Variants in NPAS3 observed in about 807,000 individuals in gnomAD.
NPAS3 encodes the protein neuronal PAS domain-containing protein 3.
Under a neutral mutation model 73.1 loss-of-function variants are expected in NPAS3, and 14 were observed. The ratio of observed to expected loss-of-function variants is 0.19; its 90% CI spans 0.13 to 0.30. The LOEUF (loss-of-function observed/expected upper bound fraction) is 0.30, where lower values mean the gene tolerates loss of function less well. Among genes scored for constraint, NPAS3 ranks in the 10% least tolerant of loss-of-function variants. NPAS3 has a pLI of 1.00. For synonymous variants in NPAS3, 620 were observed against 541.5 expected (o/e 1.14, Z -2.01); for missense variants, 1,096 against 1,250.0 (o/e 0.88, Z 1.86).
chr14:32,934,972 A>C (rs1371080093), upstream of NPAS3: 1 of 1,323,284 alleles, frequency 7.6e-7, no homozygotes, highest in Admixed American at 2.6e-5. The surrounding 1 kb of genome is among the most constrained non-coding windows in gnomAD (Gnocchi z 4.1). Flanking sequence ...CACCCCGCAG[A>C]ACGTCCAGGG....
intron 1 of NPAS3, among the ~76,000 whole-genome samples, chr14:33,039,953 A>AT (rs1381651115): frequency 6.6e-6 from 1 of 152,020 alleles, no homozygotes; most frequent in Admixed American, 6.6e-5. Flanking sequence ...CTATTTAATT[A>AT]TTTTTTTCCA....
chr14:32,949,755 GA>G (rs888550428), intron 1 of NPAS3, among the ~76,000 whole-genome samples: 31 of 151,838 alleles, frequency 2.0e-4, no homozygotes, highest in African/African-American at 6.8e-4. Flanking sequence ...AAGAAAAAAG[GA>G]AAAAGTCCAG....
intron 1 of NPAS3, among the ~76,000 whole-genome samples, chr14:32,953,112 C>T (rs1170598572): frequency 6.7e-6 from 1 of 149,788 alleles, no homozygotes; most frequent in Non-Finnish European, 1.5e-5. Flanking sequence ...AACAAAAAAC[C>T]CCAAACAACA....
At chr14:33,299,942 T>G (rs1405328907) in intron 3 of NPAS3, among the ~76,000 whole-genome samples, 2 of 152,224 alleles carry the variant, frequency 1.3e-5, no homozygotes, top group African/African-American at 4.8e-5. Context: ...TAATTACATA[T>G]GCAGGTCATC....
chr14:33,514,065 G>A (rs901968561), intron 4 of NPAS3, among the ~76,000 whole-genome samples: 4 of 152,030 alleles, frequency 2.6e-5, no homozygotes, highest in African/African-American at 9.7e-5. Flanking sequence ...AATGAGTTTG[G>A]TGGTCTCAGC....
intron 3 of NPAS3, among the ~76,000 whole-genome samples, chr14:33,231,003 T>C (rs1186146306): frequency 6.6e-6 from 1 of 152,204 alleles, no homozygotes; most frequent in Non-Finnish European, 1.5e-5. Flanking sequence ...CTTCTAAAGA[T>C]AGTCATTCAG....
intron 3 of NPAS3, among the ~76,000 whole-genome samples, chr14:33,286,997 A>T (rs1338531265): frequency 9.2e-5 from 14 of 152,282 alleles, no homozygotes. Context: ...ATACATGGTT[A>T]GCAATGCTCG....
intron 5 of NPAS3, among the ~76,000 whole-genome samples, chr14:33,669,270 T>TTA (rs2059543730): frequency 6.6e-6 from 1 of 152,238 alleles, no homozygotes; most frequent in Non-Finnish European, 1.5e-5. Flanking sequence ...TTTTGCCTTC[T>TTA]CAGCACTGTG....
At chr14:33,119,901 A>G (rs1163982684) in intron 2 of NPAS3, among the ~76,000 whole-genome samples, 2 of 152,186 alleles carry the variant, frequency 1.3e-5, no homozygotes, top group Admixed American at 1.3e-4. Flanking sequence ...CCTTCTGTTT[A>G]ATGCCATATA....
At chr14:33,204,506 A>C (rs35807272) in intron 2 of NPAS3, among the ~76,000 whole-genome samples, 36,599 of 152,060 alleles carry the variant, frequency 0.24, 5,310 homozygotes, top group Non-Finnish European at 0.34. Flanking sequence ...AGCGTGGTTC[A>C]GGAAGCACAG....
At chr14:33,235,805 C>CTTTTTTTTTTTTTT (rs35968798) in intron 3 of NPAS3, among the ~76,000 whole-genome samples, 5 of 80,632 alleles carry the variant, frequency 6.2e-5, no homozygotes, top group African/African-American at 2.0e-4. Flanking sequence ...TGATACAATT[C>CTTTTTTTTTTTTTT]TTTTTTTTTT....
At chr14:33,704,214 A>G (rs2060597728) in intron 6 of NPAS3, among the ~76,000 whole-genome samples, 2 of 152,232 alleles carry the variant, frequency 1.3e-5, no homozygotes, top group Admixed American at 1.3e-4. Flanking sequence ...AACAAATTAG[A>G]TGGCTAATAT....
chr14:33,760,297 C>T (rs1257663832), intron 7 of NPAS3, among the ~76,000 whole-genome samples: 1 of 152,154 alleles, frequency 6.6e-6, no homozygotes, highest in African/African-American at 2.4e-5. Context: ...ACTCGGGGCC[C>T]CAGAGCAGCC....
chr14:33,166,270 C>A (rs2045143647), intron 2 of NPAS3, among the ~76,000 whole-genome samples: 1 of 152,218 alleles, frequency 6.6e-6, no homozygotes, highest in Non-Finnish European at 1.5e-5. Context: ...GCTGGTCTTA[C>A]CTGTTCTGTG....
chr14:33,432,379 A>C (rs1483883040), intron 4 of NPAS3, among the ~76,000 whole-genome samples: 1 of 152,166 alleles, frequency 6.6e-6, no homozygotes, highest in Non-Finnish European at 1.5e-5. Context: ...ATTTCATAAG[A>C]ATATCTGGCC....
At chr14:33,318,626 C>T (rs2043306606) in intron 3 of NPAS3, among the ~76,000 whole-genome samples, 1 of 152,008 alleles carries the variant, frequency 6.6e-6, no homozygotes, top group African/African-American at 2.4e-5. Context: ...ATAATAATTG[C>T]TGAATCAAGG....
At chr14:33,222,195 C>A (rs947356618) in intron 3 of NPAS3, among the ~76,000 whole-genome samples, 7 of 152,064 alleles carry the variant, frequency 4.6e-5, no homozygotes, top group Non-Finnish European at 8.8e-5. Flanking sequence ...TAAGGGTCTT[C>A]AGGGAGGAGA....
chr14:33,593,290 A>G (rs927335138), intron 5 of NPAS3, among the ~76,000 whole-genome samples: 12 of 152,180 alleles, frequency 7.9e-5, no homozygotes, highest in African/African-American at 2.7e-4. Context: ...TCTCATAGCT[A>G]TTAAAGAGCA....
chr14:33,798,828 G>A (rs2063590003), intron 11 of NPAS3, among the ~76,000 whole-genome samples: 1 of 152,124 alleles, frequency 6.6e-6, no homozygotes, highest in Admixed American at 6.5e-5. Flanking sequence ...GTGGGAAGAA[G>A]AGACAAGTAA....
Sources: gnomAD v4.1 joint callset for allele counts (sites outside exome capture counted in the v4.1 genomes callset) on GRCh38, gnomAD v4.1.1 for gene constraint, Gnocchi (gnomAD v3.1) non-coding constraint, MANE v1.5 for transcripts, NCBI Gene and HGNC (gene_info 2026-07-23, HGNC 2026-07-21) for gene names.